The following RBFOX1 variants were observed in gnomAD, a reference collection of about 807,000 sequenced individuals.
RBFOX1 encodes RNA binding fox-1 homolog 1, also known as RNA binding protein fox-1 homolog 1.
Under a neutral mutation model 57.7 loss-of-function variants are expected in RBFOX1, and 8 were observed. The ratio of observed to expected loss-of-function variants is 0.14; its 90% CI spans 0.08 to 0.25. RBFOX1 has a LOEUF of 0.25. Among genes scored for constraint, RBFOX1 ranks in the 10% least tolerant of loss-of-function variants. The pLI is 1.00. For synonymous variants in RBFOX1, 326 were observed against 222.4 expected, an observed-to-expected ratio of 1.47 and a Z score of -4.15; for missense variants, 611 against 548.5, an observed-to-expected ratio of 1.11 and a Z score of -1.14.
chr16:5,471,578 G>A (rs559392252), intron 2 of RBFOX1, among the ~76,000 whole-genome samples: 5 of 152,120 alleles, frequency 3.3e-5, no homozygotes, highest in South Asian at 2.1e-4. Context: ...CACCCCCGGA[G>A]AACCCTCTGT....
At chr16:7,057,018 G>T (rs1377335624) in intron 4 of RBFOX1, among the ~76,000 whole-genome samples, 2 of 142,836 alleles carry the variant, frequency 1.4e-5, no homozygotes, top group Non-Finnish European at 3.0e-5. Context: ...AAACAACTTC[G>T]TTAAAGCACT....
intron 3 of RBFOX1, among the ~76,000 whole-genome samples, chr16:6,977,445 C>T (rs980740858): frequency 1.3e-5 from 2 of 152,098 alleles, no homozygotes; most frequent in Admixed American, 6.6e-5. Context: ...TAACCATACA[C>T]ATCTAGAGGC....
At chr16:7,101,782 A>G (rs1472473096) in intron 4 of RBFOX1, among the ~76,000 whole-genome samples, 1 of 152,084 alleles carries the variant, frequency 6.6e-6, no homozygotes, top group African/African-American at 2.4e-5. Flanking sequence ...TTTCCCTTTT[A>G]ATGTTAGAAT....
At chr16:7,595,451 G>T in intron 7 of RBFOX1, 98 bp from the exon 8 acceptor site, 1 of 947,992 alleles carries the variant, frequency 1.1e-6, no homozygotes, top group South Asian at 2.1e-5. Flanking sequence ...CTGAAGCCAG[G>T]ACAAGAAATA....
At chr16:6,600,446 T>C (rs1011950124) in intron 2 of RBFOX1, among the ~76,000 whole-genome samples, 1 of 152,222 alleles carries the variant, frequency 6.6e-6, no homozygotes, top group African/African-American at 2.4e-5. Flanking sequence ...CTCGTGTTCA[T>C]AGAGGACTTC....
At chr16:7,006,161 T>C (rs2093280992) in intron 3 of RBFOX1, among the ~76,000 whole-genome samples, 1 of 151,194 alleles carries the variant, frequency 6.6e-6, no homozygotes, top group Non-Finnish European at 1.5e-5. Flanking sequence ...TATTTATTTA[T>C]TTTTTTTTGA....
chr16:7,462,467 G>A (rs1398519810), intron 4 of RBFOX1, among the ~76,000 whole-genome samples: 2 of 152,134 alleles, frequency 1.3e-5, no homozygotes, highest in African/African-American at 2.4e-5. Flanking sequence ...CGCCAGCCTG[G>A]GCAACACAGC....
At chr16:6,826,212 A>G (rs1375602333) in intron 3 of RBFOX1, among the ~76,000 whole-genome samples, 1 of 152,062 alleles carries the variant, frequency 6.6e-6, no homozygotes, top group Non-Finnish European at 1.5e-5. Context: ...CAGTCGACGC[A>G]TGTAAGAGCT....
At chr16:6,444,070 C>T (rs952294574) in intron 2 of RBFOX1, among the ~76,000 whole-genome samples, 1 of 152,130 alleles carries the variant, frequency 6.6e-6, no homozygotes, top group East Asian at 1.9e-4. Flanking sequence ...CTGATATTCA[C>T]AAAGCATAAT....
intron 4 of RBFOX1, among the ~76,000 whole-genome samples, chr16:7,106,606 A>C (rs1026960515): frequency 3.3e-4 from 50 of 152,080 alleles, no homozygotes; most frequent in Admixed American, 1.3e-4. Flanking sequence ...TGTCTATCTC[A>C]AGGTCCTGGC....
chr16:5,647,322 A>G (rs1245608194), intron 3 of RBFOX1, among the ~76,000 whole-genome samples: 1 of 152,204 alleles, frequency 6.6e-6, no homozygotes, highest in Non-Finnish European at 1.5e-5. Context: ...AATGGTGGAC[A>G]TTCTACTGCC....
chr16:6,879,957 G>C (rs1445338703), intron 3 of RBFOX1, among the ~76,000 whole-genome samples: 1 of 152,080 alleles, frequency 6.6e-6, no homozygotes, highest in African/African-American at 2.4e-5. Flanking sequence ...TATCTGTTCA[G>C]TGGCATTTCT....
chr16:6,528,476 C>T (rs1011322833), intron 2 of RBFOX1, among the ~76,000 whole-genome samples: 1 of 152,220 alleles, frequency 6.6e-6, no homozygotes, highest in Non-Finnish European at 1.5e-5. Flanking sequence ...CCTACAGCAT[C>T]ATCTCCAAAG....
intron 1 of RBFOX1, among the ~76,000 whole-genome samples, chr16:6,213,988 C>G (rs540474074): frequency 6.6e-6 from 1 of 152,306 alleles, no homozygotes; most frequent in South Asian, 2.1e-4. Flanking sequence ...TAGATATTGA[C>G]AAATGTCCCC....
At chr16:6,519,255 G>C (rs534250737) in intron 2 of RBFOX1, among the ~76,000 whole-genome samples, 8 of 152,272 alleles carry the variant, frequency 5.3e-5, no homozygotes, top group African/African-American at 1.9e-4. Context: ...GGAGTGCTCT[G>C]TGCACCAGAA....
At chr16:5,854,970 A>C (rs1231056418) in intron 3 of RBFOX1, among the ~76,000 whole-genome samples, 3 of 152,160 alleles carry the variant, frequency 2.0e-5, no homozygotes, top group South Asian at 2.1e-4. Flanking sequence ...TTGCCCCAAT[A>C]ATTAGTCATA....
intron 2 of RBFOX1, among the ~76,000 whole-genome samples, chr16:6,517,705 C>A (rs988896882): frequency 3.3e-5 from 5 of 152,114 alleles, no homozygotes; most frequent in Admixed American, 3.3e-4. Flanking sequence ...GATTACAAAC[C>A]CTGTCTTGCA....
chr16:5,333,187 C>CAAAA (rs1555492684), intron 1 of RBFOX1, among the ~76,000 whole-genome samples: 4 of 23,138 alleles, frequency 1.7e-4, no homozygotes, highest in Middle Eastern at 0.038. Context: ...GACTCCATCT[C>CAAAA]AAAAAACAAA....
At chr16:7,059,750 T>C (rs60546371) in intron 4 of RBFOX1, among the ~76,000 whole-genome samples, 1,698 of 152,318 alleles carry the variant, frequency 0.011, 36 homozygotes, top group African/African-American at 0.039. Context: ...TTTACCTTTC[T>C]CTTCACCCGT....
Sources: gnomAD v4.1 joint callset for allele counts (sites outside exome capture counted in the v4.1 genomes callset) on GRCh38, gnomAD v4.1.1 for gene constraint, MANE v1.5 for transcripts, NCBI Gene and HGNC (gene_info 2026-07-23, HGNC 2026-07-21) for gene names.